SLC9C1: variants seen among roughly 807,000 people sequenced by gnomAD.
SLC9C1 encodes sodium/hydrogen exchanger 10.
In SLC9C1, 97 loss-of-function variants were observed where a neutral mutation model predicts 140.9. That is an observed-to-expected ratio of 0.69 (90% CI 0.58 to 0.82). The LOEUF (loss-of-function observed/expected upper bound fraction) is 0.82, where lower values mean the gene tolerates loss of function less well. Among genes scored for constraint, SLC9C1 ranks in the 40% least tolerant of loss-of-function variants. SLC9C1 has a pLI of 0.00. For synonymous variants in SLC9C1, 440 were observed against 442.6 expected (o/e 0.99, Z 0.07); for missense variants, 1,340 against 1,389.3 (o/e 0.96, Z 0.56).
intron 28 of SLC9C1, among the ~76,000 whole-genome samples, chr3:112,142,878 C>G (rs562762118): frequency 6.6e-6 from 1 of 152,230 alleles, no homozygotes; most frequent in African/African-American, 2.4e-5. Context: ...CAACCCTTGA[C>G]CCCTCCCTCC....
At chr3:112,255,216 A>G (rs918353157) in intron 10 of SLC9C1, among the ~76,000 whole-genome samples, 1 of 152,160 alleles carries the variant, frequency 6.6e-6, no homozygotes, top group African/African-American at 2.4e-5. Flanking sequence ...ATCTGAACTC[A>G]GCATTGGACC....
intron 28 of SLC9C1, among the ~76,000 whole-genome samples, chr3:112,148,252 C>T (rs1342507843): frequency 6.6e-6 from 1 of 152,094 alleles, no homozygotes; most frequent in Non-Finnish European, 1.5e-5. Context: ...ACTTCCTTAT[C>T]TGTATCTCTG....
At chr3:112,204,775 A>AT (rs1179970287) in intron 16 of SLC9C1, among the ~76,000 whole-genome samples, 1 of 152,060 alleles carries the variant, frequency 6.6e-6, no homozygotes, top group African/African-American at 2.4e-5. Context: ...GGTTGCATCC[A>AT]TTTTTTATTA....
intron 15 of SLC9C1, among the ~76,000 whole-genome samples, chr3:112,210,458 G>T (rs764200044): frequency 3.3e-5 from 5 of 152,206 alleles, no homozygotes; most frequent in African/African-American, 1.2e-4. Context: ...ACATAGTGAT[G>T]ATTTCATTTA....
intron 10 of SLC9C1, among the ~76,000 whole-genome samples, chr3:112,251,953 C>T (rs763180469): frequency 2.0e-5 from 3 of 152,168 alleles, no homozygotes; most frequent in Non-Finnish European, 2.9e-5. Context: ...CAAATTGCTG[C>T]CACTTTTGCT....
chr3:112,197,832 A>C (rs933468528), intron 20 of SLC9C1, among the ~76,000 whole-genome samples: 6 of 152,284 alleles, frequency 3.9e-5, no homozygotes, highest in Non-Finnish European at 8.8e-5. Context: ...ATTAAGGTTT[A>C]TTAAATTAAC....
intron 28 of SLC9C1, among the ~76,000 whole-genome samples, chr3:112,144,490 A>G (rs932697098): frequency 6.6e-6 from 1 of 152,094 alleles, no homozygotes; most frequent in African/African-American, 2.4e-5. Flanking sequence ...GAAAAATTAT[A>G]TTGGTAATTC....
intron 15 of SLC9C1, among the ~76,000 whole-genome samples, chr3:112,212,466 T>C (rs1343341117): frequency 6.6e-6 from 1 of 152,156 alleles, no homozygotes; most frequent in Non-Finnish European, 1.5e-5. Flanking sequence ...GAAAAAAGAT[T>C]AGACAAATGG....
chr3:112,222,322 G>T (rs921039975), intron 13 of SLC9C1, among the ~76,000 whole-genome samples: 3 of 152,164 alleles, frequency 2.0e-5, no homozygotes, highest in African/African-American at 7.2e-5. Context: ...AACAAATCAA[G>T]ATGAGCATGA....
chr3:112,212,347 C>T (rs1451247309), intron 15 of SLC9C1, among the ~76,000 whole-genome samples: 1 of 152,196 alleles, frequency 6.6e-6, no homozygotes, highest in Non-Finnish European at 1.5e-5. Flanking sequence ...CAGAACAAAG[C>T]CGGATGGAGA....
chr3:112,180,648 A>G lies in SLC9C1; in HGVS notation c.2664T>C (p.Val888=). 6.2e-7 allele frequency: 1 copy of G among 1,613,048 alleles called. No individual in the cohort carries two copies. Among genetic ancestry groups the G allele is most frequent in the Non-Finnish European group, 8.5e-7 (1 of 1,179,548 alleles). ...TATCATTTCCACAATCAAATGTTAC[A>G]ACTTTGGCTTTTTCCTAAAAGATAC... ...YINFIQEKAK[V]VTFDCGNDIF... is the part of the protein sequence containing the mutation. The change falls in exon 22 of 29, where the codon GTT becomes GTC. Residue 888 remains valine, a synonymous_variant. Transcript: ENST00000305815.
At chr3:112,155,682 G>A (rs922507863) in intron 26 of SLC9C1, among the ~76,000 whole-genome samples, 1 of 152,064 alleles carries the variant, frequency 6.6e-6, no homozygotes, top group Non-Finnish European at 1.5e-5. Flanking sequence ...AGGAATGGGA[G>A]GCCACCAGGT....
chr3:112,229,536 G>C (rs2078765954), intron 13 of SLC9C1, among the ~76,000 whole-genome samples: 1 of 151,938 alleles, frequency 6.6e-6, no homozygotes, highest in African/African-American at 2.4e-5. Context: ...TAAAATATTA[G>C]TTTGAAAAGG....
At chr3:112,280,040 A>C (rs1290851708) in intron 3 of SLC9C1, among the ~76,000 whole-genome samples, 1 of 152,150 alleles carries the variant, frequency 6.6e-6, no homozygotes, top group Admixed American at 6.6e-5. Context: ...TGATTACAAA[A>C]CCTGTTTATG....
rs557400964 is a variant in SLC9C1, at chr3:112,178,376, C to T, written c.2919+1155G>A. On this transcript the variant is annotated intron_variant, in intron 23 of 28. Transcript: ENST00000305815. ...CTCCTGGCCTCAAGCAATCCTCCTG[C>T]CCCAGCCTCCCAAAGTTTTGGGATT... 5.4e-4 allele frequency among the ~76,000 whole-genome samples: 82 copies of T among 152,232 alleles called. 1 individual carries two copies. Among genetic ancestry groups the T allele is most frequent in the Admixed American group, 4.7e-3 (72 of 15,284 alleles).
chr3:112,230,303 C>G (rs762257675), intron 13 of SLC9C1, among the ~76,000 whole-genome samples: 13 of 152,084 alleles, frequency 8.5e-5, no homozygotes, highest in Non-Finnish European at 1.3e-4. Flanking sequence ...CCAGGGGAAC[C>G]CAGGATGACT....
intron 17 of SLC9C1, among the ~76,000 whole-genome samples, chr3:112,202,976 A>G (rs1166812307): frequency 6.6e-6 from 1 of 151,650 alleles, no homozygotes; most frequent in African/African-American, 2.4e-5. Context: ...CAACCTCCAT[A>G]CTCTACCCTG....
At chr3:112,222,458 A>G (rs2078567365) in intron 13 of SLC9C1, among the ~76,000 whole-genome samples, 1 of 152,170 alleles carries the variant, frequency 6.6e-6, no homozygotes, top group South Asian at 2.1e-4. Flanking sequence ...ATAGCACAAA[A>G]TCAATGATCA....
intron 12 of SLC9C1, among the ~76,000 whole-genome samples, chr3:112,233,888 C>CTGGTTGGTTCAACAAAG (rs2078906044): frequency 6.6e-6 from 1 of 152,128 alleles, no homozygotes; most frequent in African/African-American, 2.4e-5. Context: ...CATTGTTGGA[C>CTGGTTGGTTCAACAAAG]ATTTGGGTTG....
Sources: gnomAD v4.1 joint callset for allele counts (sites outside exome capture counted in the v4.1 genomes callset) on GRCh38, gnomAD v4.1.1 for gene constraint, MANE v1.5 for transcripts, NCBI Gene and HGNC (gene_info 2026-07-23, HGNC 2026-07-21) for gene names.